The following ADGRB3 variants were observed in gnomAD, a reference collection of about 807,000 sequenced individuals.
ADGRB3 encodes the protein brain-specific angiogenesis inhibitor 3.
A neutral mutation model predicts 193.4 loss-of-function variants in ADGRB3; 37 were observed. The ratio of observed to expected loss-of-function variants is 0.19; its 90% CI spans 0.15 to 0.25. ADGRB3 has a LOEUF of 0.25. Among genes scored for constraint, ADGRB3 ranks in the 10% least tolerant of loss-of-function variants. The pLI is 1.00. For synonymous variants in ADGRB3, 690 were observed against 644.2 expected (o/e 1.07, Z -1.08); for missense variants, 1,637 against 1,852.9 (o/e 0.88, Z 2.14).
At chr6:69,058,746 C>A (rs62416805) in intron 15 of ADGRB3, among the ~76,000 whole-genome samples, 18,994 of 152,024 alleles carry the variant, frequency 0.12, 1,278 homozygotes, top group Middle Eastern at 0.25. Context: ...ACATATTTCT[C>A]AATTTTTCAG....
chr6:69,326,253 A>G (rs1280415683), intron 21 of ADGRB3, among the ~76,000 whole-genome samples: 3 of 152,184 alleles, frequency 2.0e-5, no homozygotes, highest in Admixed American at 1.3e-4. Flanking sequence ...ACACCAACAC[A>G]AAAGTTGAAG....
At chr6:68,648,375 A>G (rs1046698726) in intron 3 of ADGRB3, among the ~76,000 whole-genome samples, 1 of 152,126 alleles carries the variant, frequency 6.6e-6, no homozygotes, top group Non-Finnish European at 1.5e-5. Context: ...TATCATGTAA[A>G]ATGAAATAAT....
At chr6:68,848,706 GA>G (rs1303703239) in intron 3 of ADGRB3, among the ~76,000 whole-genome samples, 1 of 151,880 alleles carries the variant, frequency 6.6e-6, no homozygotes, top group Non-Finnish European at 1.5e-5. Context: ...TAGAGCAAAG[GA>G]AAATTTTGAC....
chr6:69,279,022 ATTCAC>A (rs2127284002), intron 20 of ADGRB3, among the ~76,000 whole-genome samples: 1 of 142,918 alleles, frequency 7.0e-6, no homozygotes, highest in East Asian at 2.1e-4. Context: ...TGTTTCAAGA[ATTCAC>A]TTCTCACTTC....
intron 3 of ADGRB3, among the ~76,000 whole-genome samples, chr6:68,870,055 A>C (rs1765414039): frequency 6.6e-6 from 1 of 152,216 alleles, no homozygotes; most frequent in South Asian, 2.1e-4. Context: ...CTGGGATTAC[A>C]GGTGTGAGCC....
intron 11 of ADGRB3, among the ~76,000 whole-genome samples, chr6:69,009,362 G>A (rs147632751): frequency 6.6e-6 from 1 of 152,188 alleles, no homozygotes; most frequent in East Asian, 1.9e-4. Context: ...TGTAAATCTG[G>A]ACATAAAGGA....
intron 20 of ADGRB3, among the ~76,000 whole-genome samples, chr6:69,278,722 T>C (rs564407011): frequency 2.6e-5 from 4 of 152,278 alleles, no homozygotes; most frequent in South Asian, 4.1e-4. Context: ...CAGGTTCAAC[T>C]TCCTGACTCT....
chr6:68,975,439 A>G, intron 10 of ADGRB3, 99 bp downstream of exon 10: 1 of 854,074 alleles, frequency 1.2e-6, no homozygotes, highest in South Asian at 2.0e-5. Context: ...AATCAGTAAC[A>G]TCTCTAAAAA....
intron 3 of ADGRB3, among the ~76,000 whole-genome samples, chr6:68,898,374 C>CT (rs1766299884): frequency 6.6e-6 from 1 of 152,108 alleles, no homozygotes; most frequent in African/African-American, 2.4e-5. Context: ...GGGAAAATCT[C>CT]TTTACTCAGT....
At chr6:68,725,814 C>T (rs189911395) in intron 3 of ADGRB3, among the ~76,000 whole-genome samples, 39 of 151,550 alleles carry the variant, frequency 2.6e-4, no homozygotes, top group African/African-American at 9.2e-4. Flanking sequence ...CAAGGGGGAC[C>T]ATTGACAGAT....
intron 20 of ADGRB3, among the ~76,000 whole-genome samples, chr6:69,298,750 G>T (rs1023738327): frequency 1.3e-5 from 2 of 151,862 alleles, no homozygotes; most frequent in Admixed American, 6.6e-5. Flanking sequence ...ATTCCATTTT[G>T]TATTAATATG....
chr6:68,919,498 A>G (rs912527173), intron 3 of ADGRB3, among the ~76,000 whole-genome samples: 11 of 152,316 alleles, frequency 7.2e-5, no homozygotes, highest in African/African-American at 2.6e-4. Context: ...CCTAAAAGCC[A>G]TACCTGATCC....
At chr6:68,896,257 T>G (rs532874356) in intron 3 of ADGRB3, among the ~76,000 whole-genome samples, 1 of 152,096 alleles carries the variant, frequency 6.6e-6, no homozygotes, top group Non-Finnish European at 1.5e-5. Flanking sequence ...TAATAGTTTC[T>G]GTCTGTCCTC....
intron 6 of ADGRB3, among the ~76,000 whole-genome samples, chr6:68,953,013 G>A (rs1236890573): frequency 2.6e-5 from 4 of 152,020 alleles, no homozygotes; most frequent in African/African-American, 7.2e-5. Context: ...TTCAGTAAAA[G>A]CCTGAGGAGC....
chr6:68,906,077 C>CT (rs976411728), intron 3 of ADGRB3, among the ~76,000 whole-genome samples: 183 of 147,850 alleles, frequency 1.2e-3, no homozygotes, highest in Admixed American at 2.0e-3. Context: ...CCACAAGTTT[C>CT]TTTTTTTTTT....
At position 69,388,905 on chromosome 6, in the gene ADGRB3, G is replaced by T; in HGVS notation, c.*14G>T. 2 of 1,605,666 alleles carry T rather than the reference G, an allele frequency of 1.2e-6. No homozygotes were observed. Among genetic ancestry groups the T allele is most frequent in the Non-Finnish European group, 8.5e-7 (1 of 1,176,046 alleles). ...ACAGAAGTTTAAAAAAATCAAAATG[G>T]ACTAAGGTAGAGACAAAACTTTATT... On this transcript the variant is annotated 3_prime_UTR_variant, in exon 32 of 32. Coordinates refer to ENST00000370598, the MANE Select transcript of ADGRB3 (RefSeq NM_001704.3).
At chr6:68,978,460 T>C (rs1768814117) in intron 10 of ADGRB3, among the ~76,000 whole-genome samples, 1 of 151,554 alleles carries the variant, frequency 6.6e-6, no homozygotes, top group Admixed American at 6.6e-5. Flanking sequence ...CATGCATACA[T>C]ACACAAATCT....
intron 3 of ADGRB3, among the ~76,000 whole-genome samples, chr6:68,876,615 T>A (rs897098540): frequency 1.3e-5 from 2 of 152,222 alleles, no homozygotes; most frequent in African/African-American, 4.8e-5. Flanking sequence ...CAAAATATTT[T>A]GTTTTCCATA....
intron 17 of ADGRB3, among the ~76,000 whole-genome samples, chr6:69,216,760 T>C (rs1765779652): frequency 6.6e-6 from 1 of 152,236 alleles, no homozygotes; most frequent in African/African-American, 2.4e-5. Flanking sequence ...CCATTGGTTG[T>C]AGAGTGACAG....
Sources: gnomAD v4.1 joint callset for allele counts (sites outside exome capture counted in the v4.1 genomes callset) on GRCh38, gnomAD v4.1.1 for gene constraint, MANE v1.5 for transcripts, NCBI Gene and HGNC (gene_info 2026-07-23, HGNC 2026-07-21) for gene names.